Variants in WAC observed in about 807,000 individuals in gnomAD.
WAC encodes WW domain containing adaptor with coiled-coil.
A neutral mutation model predicts 79.6 loss-of-function variants in WAC; 11 were observed. The ratio of observed to expected loss-of-function variants is 0.14; its 90% confidence interval spans 0.09 to 0.23. The LOEUF is 0.23. WAC is among the 10% of genes least tolerant of loss of function. The pLI, the probability that WAC is intolerant of heterozygous loss-of-function variation, is 1.00. For missense variants in WAC, 728 were observed against 773.5 expected, an observed-to-expected ratio of 0.94 and a Z score of 0.70; for synonymous variants, 304 against 276.9, an observed-to-expected ratio of 1.10 and a Z score of -0.97.
intron 10 of WAC, among the ~76,000 whole-genome samples, chr10:28,613,574 T>G (rs1388947702): frequency 6.6e-6 from 1 of 152,226 alleles, no homozygotes. Context: ...TCAAGTTGTT[T>G]TTAAAATAAT....
At position 28,533,528 on chromosome 10, in the gene WAC, T is replaced by G; in HGVS notation, c.-52T>G. On this transcript the variant is annotated 5_prime_UTR_variant, in exon 1 of 14. Coordinates refer to ENST00000354911, the MANE Select transcript of WAC (RefSeq NM_016628.5). ...GCCGCCGCCTGCGCGCCCGCCCGCC[T>G]TTCGCGGCCGCTCTCCCCCCTCCCC... 8 of 1,186,256 alleles carry G rather than the reference T, an allele frequency of 6.7e-6. No individual in the cohort carries two copies. Among genetic ancestry groups the G allele is most frequent in the Non-Finnish European group, 7.5e-6 (7 of 930,018 alleles). The allele number at this position is 1,186,256 out of a possible 1,614,324, so 73.5% of individuals were successfully genotyped here.
In WAC at chr10:28,533,995, C is replaced by T. The variant is rs1836461777; in HGVS notation, c.42-3C>T. 3.7e-6 allele frequency: 6 copies of T among 1,605,096 alleles called. No homozygotes were observed. The highest frequency in any genetic ancestry group is 5.1e-6 in the Non-Finnish European group (6 of 1,176,040). On this transcript the variant is annotated splice_region_variant and splice_polypyrimidine_tract_variant and intron_variant, in intron 1 of 13. Transcript: ENST00000354911. Reference sequence around the variant, plus strand: ...GTCGCTGCCTTCTCTTCCTGTTTTTCAGCTGTCACGACCGGAGGGGGGACT... The same window carrying T: ...GTCGCTGCCTTCTCTTCCTGTTTTTTAGCTGTCACGACCGGAGGGGGGACT...
intron 3 of WAC, among the ~76,000 whole-genome samples, chr10:28,549,749 G>A (rs191943012): frequency 1.3e-5 from 2 of 152,248 alleles, no homozygotes; most frequent in East Asian, 3.9e-4. Flanking sequence ...ATACTTATCA[G>A]ATACATTTTC....
chr10:28,608,280 A>T lies in WAC; in HGVS notation c.1014A>T (p.Thr338=), dbSNP rs1408979486. The T allele has an allele frequency of 6.2e-7, 1 of 1,614,012 alleles. No individual in the cohort carries two copies. The highest frequency in any genetic ancestry group is 8.5e-7 in the Non-Finnish European group (1 of 1,180,020). ...SGLNPTSAPP[T]SASAVPVSPV... is the part of the protein sequence containing the mutation. ...TGAACCCCACATCTGCACCTCCAACATCTGCTTCAGCGGTCCCTGTTTCTC... is the reference window on the plus strand; with the variant it reads ...TGAACCCCACATCTGCACCTCCAACTTCTGCTTCAGCGGTCCCTGTTTCTC... The change falls in exon 8 of 14, where the codon ACA becomes ACT. Residue 338 remains threonine (T), a synonymous_variant. Transcript: ENST00000354911.
chr10:28,582,575 T>TA (rs912686657), intron 3 of WAC, among the ~76,000 whole-genome samples: 4 of 151,918 alleles, frequency 2.6e-5, no homozygotes, highest in African/African-American at 4.8e-5. Flanking sequence ...GATCACTTAC[T>TA]AAAAAAAATA....
chr10:28,543,833 G>T (rs1457660127), intron 3 of WAC, among the ~76,000 whole-genome samples: 1 of 152,082 alleles, frequency 6.6e-6, no homozygotes, highest in African/African-American at 2.4e-5. Context: ...AAAATAATTA[G>T]TATTCTGTAA....
intron 7 of WAC, among the ~76,000 whole-genome samples, chr10:28,600,223 C>G (rs1338782034): frequency 7.7e-6 from 1 of 129,606 alleles, no homozygotes; most frequent in East Asian, 2.8e-4. Context: ...TGTAAATAAT[C>G]ACATACTCAC....
At chr10:28,560,197 T>A (rs1349132072) in intron 3 of WAC, among the ~76,000 whole-genome samples, 1 of 151,790 alleles carries the variant, frequency 6.6e-6, no homozygotes, top group African/African-American at 2.4e-5. Context: ...AAATAAAAAA[T>A]TTAAAAATTA....
chr10:28,601,256 G>A (rs573678237), intron 7 of WAC, among the ~76,000 whole-genome samples: 37 of 152,182 alleles, frequency 2.4e-4, no homozygotes, highest in African/African-American at 7.9e-4. Context: ...CAAAGGACTC[G>A]AATAAACATT....
chr10:28,576,677 T>A (rs1393270831), intron 3 of WAC, among the ~76,000 whole-genome samples: 1 of 152,196 alleles, frequency 6.6e-6, no homozygotes, highest in African/African-American at 2.4e-5. Flanking sequence ...ATAAGCAGCT[T>A]GTTTTCAGAT....
intron 2 of WAC, 161 bp downstream of exon 2, chr10:28,534,195 T>C (rs753636189): frequency 1.5e-6 from 1 of 652,852 alleles, no homozygotes; most frequent in Non-Finnish European, 2.5e-6. Flanking sequence ...TTGGTTCCTT[T>C]AGCGCTCTCC....
intron 3 of WAC, among the ~76,000 whole-genome samples, chr10:28,559,136 A>ATGTGTGTGTGTGTGTGTGTGTGTG (rs111740298): frequency 1.1e-3 from 161 of 146,752 alleles, no homozygotes; most frequent in Admixed American, 4.0e-3. Context: ...GAGAAACCTG[A>ATGTGTGTGTGTGTGTGTGTGTGTG]TGTGTGTGTG....
At chr10:28,581,238 C>CTT (rs71391053) in intron 3 of WAC, among the ~76,000 whole-genome samples, 690 of 66,080 alleles carry the variant, frequency 0.01, 38 homozygotes, top group African/African-American at 0.021. Context: ...ATGAGCGATT[C>CTT]TTTTTTTTTT....
At chr10:28,614,207 G>A (rs1037543561) in intron 10 of WAC, among the ~76,000 whole-genome samples, 3 of 151,918 alleles carry the variant, frequency 2.0e-5, no homozygotes, top group East Asian at 3.9e-4. Flanking sequence ...CCGGGTTCAC[G>A]CCATTCTCCT....
intron 9 of WAC, chr10:28,611,391 ACT>A: frequency 7.7e-7 from 1 of 1,301,188 alleles, no homozygotes; most frequent in Non-Finnish European, 1.0e-6. Context: ...TGGTGCAAAG[ACT>A]CTTGCAACCC....
chr10:28,605,966 C>A (rs1464267850), intron 7 of WAC, among the ~76,000 whole-genome samples: 1 of 151,982 alleles, frequency 6.6e-6, no homozygotes, highest in Non-Finnish European at 1.5e-5. Context: ...GTGAAAGAAC[C>A]TTTAAGAGGG....
At chr10:28,583,193 CTATG>C (rs930960553) in intron 3 of WAC, among the ~76,000 whole-genome samples, 3 of 151,870 alleles carry the variant, frequency 2.0e-5, no homozygotes, top group Non-Finnish European at 4.4e-5. Context: ...AGGATGACAA[CTATG>C]TATAATATTT....
chr10:28,567,799 A>C (rs995002426), intron 3 of WAC, among the ~76,000 whole-genome samples: 1 of 152,062 alleles, frequency 6.6e-6, no homozygotes, highest in Non-Finnish European at 1.5e-5. Flanking sequence ...TTATAGCCCA[A>C]GCTGGAGTGC....
chr10:28,586,280 C>G (rs1051682228), intron 4 of WAC, among the ~76,000 whole-genome samples: 3 of 152,078 alleles, frequency 2.0e-5, no homozygotes, highest in African/African-American at 7.2e-5. Context: ...AATGTACTTC[C>G]CTGCTAAGTC....
Sources: gnomAD v4.1 joint callset for allele counts (sites outside exome capture counted in the v4.1 genomes callset) on GRCh38, gnomAD v4.1.1 for gene constraint, MANE v1.5 for transcripts, NCBI Gene and HGNC (gene_info 2026-07-23, HGNC 2026-07-21) for gene names.